Variants in ZMYND8 observed in about 807,000 individuals in gnomAD.
The protein encoded by ZMYND8 is MYND-type zinc finger-containing chromatin reader ZMYND8.
ZMYND8 carries 37 observed loss-of-function variants against 140.8 expected under a neutral mutation model. The observed-to-expected ratio is 0.26, with a 90% CI of 0.20 to 0.35. The LOEUF (loss-of-function observed/expected upper bound fraction) is 0.35. Ranked by LOEUF, ZMYND8 falls within the 10% of genes least tolerant of loss-of-function variation. The probability of loss-of-function intolerance (pLI) is 1.00; values close to 1 mark genes in which losing one functional copy is unlikely to be tolerated. For synonymous variants in ZMYND8, 592 were observed against 597.1 expected (o/e 0.99, Z 0.12); for missense variants, 1,068 against 1,570.0 (o/e 0.68, Z 5.40).
chr20:47,267,489 G>A (rs2147653037), intron 11 of ZMYND8, among the ~76,000 whole-genome samples: 1 of 92,320 alleles, frequency 1.1e-5, no homozygotes, highest in Non-Finnish European at 2.2e-5. Context: ...ATGGTTCAGG[G>A]CCGGGGCGGG....
intron 19 of ZMYND8, among the ~76,000 whole-genome samples, chr20:47,222,289 A>C (rs984187336): frequency 2.0e-5 from 3 of 152,216 alleles, no homozygotes; most frequent in Non-Finnish European, 4.4e-5. Context: ...TAATCCCAGC[A>C]CTTTGGGAGG....
intron 15 of ZMYND8, chr20:47,238,046 T>C (rs377385982): frequency 6.6e-6 from 1 of 152,286 alleles, no homozygotes; most frequent in South Asian, 2.1e-4. Context: ...TTTTCCAAAA[T>C]AACTCCAAGA....
chr20:47,243,495 T>C (rs1300959853), intron 14 of ZMYND8, among the ~76,000 whole-genome samples: 5 of 152,240 alleles, frequency 3.3e-5, no homozygotes, highest in African/African-American at 1.2e-4. Flanking sequence ...TCAACTAGAA[T>C]GGTTTTTTGT....
At chr20:47,228,449 C>T (rs2038011654) in intron 17 of ZMYND8, among the ~76,000 whole-genome samples, 2 of 152,168 alleles carry the variant, frequency 1.3e-5, no homozygotes, top group Admixed American at 1.3e-4. Context: ...TTCTGGCATA[C>T]ATCCAGACCC....
At chr20:47,265,735 G>A (rs535977347) in intron 11 of ZMYND8, among the ~76,000 whole-genome samples, 12 of 152,012 alleles carry the variant, frequency 7.9e-5, no homozygotes, top group Non-Finnish European at 1.5e-4. Context: ...GAGCCATCAC[G>A]CCCAGCCTAT....
At chr20:47,340,334 C>G (rs552694327) in intron 2 of ZMYND8, among the ~76,000 whole-genome samples, 7 of 152,266 alleles carry the variant, frequency 4.6e-5, no homozygotes, top group African/African-American at 1.7e-4. Flanking sequence ...AAAGAGGGAA[C>G]TTGAAACCAT....
chr20:47,328,825 A>C (rs2080689910), intron 2 of ZMYND8, among the ~76,000 whole-genome samples: 1 of 152,236 alleles, frequency 6.6e-6, no homozygotes, highest in Admixed American at 6.5e-5. Flanking sequence ...CTACCATGAA[A>C]TGCCAGTCCC....
intron 1 of ZMYND8, chr20:47,355,379 T>C (rs1262905413): frequency 1.1e-6 from 1 of 944,474 alleles, no homozygotes; most frequent in Non-Finnish European, 1.3e-6. Context: ...GACCCACTAT[T>C]ACAAACAGAC....
intron 4 of ZMYND8, among the ~76,000 whole-genome samples, chr20:47,296,918 G>A (rs935811599): frequency 6.6e-6 from 1 of 152,142 alleles, no homozygotes; most frequent in African/African-American, 2.4e-5. Flanking sequence ...TCTCGTTACT[G>A]CACTCCAGCC....
At chr20:47,222,824 A>C (rs1279539352) in intron 19 of ZMYND8, among the ~76,000 whole-genome samples, 1 of 152,284 alleles carries the variant, frequency 6.6e-6, no homozygotes, top group Non-Finnish European at 1.5e-5. Context: ...ATTTGTCTAG[A>C]GCAAGAGCTG....
chr20:47,218,592 T>C (rs1308503546), intron 21 of ZMYND8, among the ~76,000 whole-genome samples: 1 of 152,160 alleles, frequency 6.6e-6, no homozygotes, highest in Non-Finnish European at 1.5e-5. Context: ...GTGGGGAGCA[T>C]GCGGCTAAAA....
chr20:47,352,155 C>T (rs1451971997), intron 1 of ZMYND8, among the ~76,000 whole-genome samples: 1 of 152,152 alleles, frequency 6.6e-6, no homozygotes, highest in Non-Finnish European at 1.5e-5. Context: ...AGGGAGCAGC[C>T]TGGGGGAAGG....
chr20:47,294,580 G>C (rs900206827), intron 5 of ZMYND8, 86 bp downstream of exon 5: 3 of 1,263,004 alleles, frequency 2.4e-6, no homozygotes, highest in Admixed American at 1.8e-5. Context: ...AATACATCAG[G>C]TACCTAAAAA....
At chr20:47,312,139 G>A (rs1250707320) in intron 2 of ZMYND8, among the ~76,000 whole-genome samples, 1 of 152,166 alleles carries the variant, frequency 6.6e-6, no homozygotes, top group Non-Finnish European at 1.5e-5. Flanking sequence ...AGATGCTCCT[G>A]CCCCAGTTTT....
At chr20:47,262,480 A>C in intron 11 of ZMYND8, 52 bp from the exon 12 acceptor site, 1 of 1,609,604 alleles carries the variant, frequency 6.2e-7, no homozygotes, top group Non-Finnish European at 8.5e-7. Context: ...AACAAGTAGA[A>C]CGTGTAGGTG....
intron 19 of ZMYND8, 137 bp from the exon 20 acceptor site, chr20:47,221,611 G>A (rs909875323): frequency 7.3e-6 from 8 of 1,090,268 alleles, no homozygotes; most frequent in Non-Finnish European, 9.9e-6. Context: ...AGGCTCAAGG[G>A]GGCCAGATTG....
At chr20:47,290,712 C>T (rs2077209716) in intron 6 of ZMYND8, among the ~76,000 whole-genome samples, 1 of 150,638 alleles carries the variant, frequency 6.6e-6, no homozygotes, top group Non-Finnish European at 1.5e-5. Flanking sequence ...CTGCCTCAGC[C>T]TCCTGAATAG....
intron 2 of ZMYND8, among the ~76,000 whole-genome samples, chr20:47,328,329 G>A (rs550910761): frequency 2.2e-4 from 34 of 152,222 alleles, no homozygotes; most frequent in Non-Finnish European, 4.1e-4. Flanking sequence ...ATACCAAACT[G>A]TTATCACTGG....
At chr20:47,313,869 G>T (rs1309648672) in intron 2 of ZMYND8, among the ~76,000 whole-genome samples, 1 of 150,710 alleles carries the variant, frequency 6.6e-6, no homozygotes, top group South Asian at 2.1e-4. Context: ...GGAGGCAGGG[G>T]TTGCAGTGAG....
Sources: gnomAD v4.1 joint callset for allele counts (sites outside exome capture counted in the v4.1 genomes callset) on GRCh38, gnomAD v4.1.1 for gene constraint, MANE v1.5 for transcripts, NCBI Gene and HGNC (gene_info 2026-07-23, HGNC 2026-07-21) for gene names.